Variants in FILIP1 observed in about 807,000 individuals in gnomAD.
The protein encoded by FILIP1 is filamin A interacting protein 1.
In FILIP1, 61 loss-of-function variants were observed where a neutral mutation model predicts 102.1. The observed-to-expected ratio is 0.60, with a 90% CI of 0.49 to 0.74. The LOEUF is 0.74. Among genes scored for constraint, FILIP1 ranks in the 30% least tolerant of loss-of-function variants. The probability of loss-of-function intolerance (pLI) is 0.00; values close to 1 mark genes in which losing one functional copy is unlikely to be tolerated. For synonymous variants in FILIP1, 491 were observed against 526.9 expected (o/e 0.93, Z 0.93); for missense variants, 1,314 against 1,441.2 (o/e 0.91, Z 1.43).
intron 1 of FILIP1, among the ~76,000 whole-genome samples, chr6:75,424,896 G>A (rs780066019): frequency 2.6e-5 from 4 of 152,074 alleles, no homozygotes; most frequent in Non-Finnish European, 4.4e-5. Flanking sequence ...CTGTACACAC[G>A]TCAACTATAT....
chr6:75,471,819 C>A (rs566771865), intron 1 of FILIP1, among the ~76,000 whole-genome samples: 20 of 152,170 alleles, frequency 1.3e-4, no homozygotes, highest in African/African-American at 4.1e-4. Context: ...ATGTATATAT[C>A]ATTTATGCTA....
intron 3 of FILIP1, among the ~76,000 whole-genome samples, chr6:75,355,442 G>T (rs1388341382): frequency 7.0e-6 from 1 of 143,804 alleles, no homozygotes; most frequent in Non-Finnish European, 1.5e-5. Flanking sequence ...TGCCCAGGCT[G>T]GAGTGCAGTG....
At chr6:75,318,391 T>C (rs1338804502) in intron 4 of FILIP1, among the ~76,000 whole-genome samples, 5 of 151,878 alleles carry the variant, frequency 3.3e-5, no homozygotes, top group Non-Finnish European at 7.4e-5. Flanking sequence ...ACATAGCACA[T>C]GCCTGGCTAA....
intron 1 of FILIP1, among the ~76,000 whole-genome samples, chr6:75,482,065 C>G (rs1168689346): frequency 6.6e-6 from 1 of 152,046 alleles, no homozygotes; most frequent in African/African-American, 2.4e-5. Context: ...CTGGTTTTCC[C>G]CCTTGTCCTC....
At chr6:75,303,228 A>G (rs1442567012), downstream of FILIP1, among the ~76,000 whole-genome samples, 1 of 152,184 alleles carries the variant, frequency 6.6e-6, no homozygotes, top group Non-Finnish European at 1.5e-5. Flanking sequence ...AGTATTGAAA[A>G]TGGTTTTTAG....
chr6:75,475,480 T>A (rs971598499), intron 1 of FILIP1, among the ~76,000 whole-genome samples: 1 of 152,214 alleles, frequency 6.6e-6, no homozygotes, highest in Non-Finnish European at 1.5e-5. Context: ...CAGCACAGCA[T>A]CTTATTATAT....
At chr6:75,411,584 A>C (rs933335442) in intron 2 of FILIP1, among the ~76,000 whole-genome samples, 2 of 152,104 alleles carry the variant, frequency 1.3e-5, no homozygotes, top group African/African-American at 4.8e-5. Context: ...CATCGAGTTA[A>C]TTTTTGTATA....
intron 4 of FILIP1, among the ~76,000 whole-genome samples, chr6:75,317,537 CTG>C (rs946435772): frequency 2.0e-5 from 3 of 152,144 alleles, no homozygotes; most frequent in African/African-American, 7.2e-5. Context: ...TGTCATTATC[CTG>C]TCTTTGATAG....
chr6:75,349,086 A>G (rs146661072), intron 4 of FILIP1, among the ~76,000 whole-genome samples: 31 of 152,296 alleles, frequency 2.0e-4, no homozygotes, highest in Middle Eastern at 3.4e-3. Context: ...TCTAGGCCTC[A>G]ATGTCTCCAC....
chr6:75,304,860 G>A (rs529322720), downstream of FILIP1, among the ~76,000 whole-genome samples: 168 of 152,308 alleles, frequency 1.1e-3, 1 homozygote, highest in African/African-American at 3.8e-3. Context: ...TTTAGCTCTG[G>A]CTGATATTTG....
chr6:75,408,660 T>C (rs1489129904), intron 2 of FILIP1, among the ~76,000 whole-genome samples: 2 of 152,216 alleles, frequency 1.3e-5, no homozygotes, highest in Non-Finnish European at 2.9e-5. Flanking sequence ...AAAAGGAGTC[T>C]GTAAAGGAGA....
chr6:75,323,458 C>T (rs373367960), intron 4 of FILIP1, among the ~76,000 whole-genome samples: 22 of 152,110 alleles, frequency 1.4e-4, no homozygotes, highest in East Asian at 9.6e-4. Flanking sequence ...ATATTACTAG[C>T]GAGTGACTTA....
intron 4 of FILIP1, among the ~76,000 whole-genome samples, chr6:75,318,228 CTTTTTTTTTT>C (rs35536817): frequency 9.7e-6 from 1 of 102,894 alleles, no homozygotes; most frequent in African/African-American, 3.7e-5. Context: ...ATTATACAGT[CTTTTTTTTTT>C]TTTTTTTTTT....
chr6:75,314,650 A>G lies in FILIP1; in HGVS notation c.1182T>C (p.Asp394=). The part of the protein sequence containing the change: ...RKRVLEMEGK[D]EEITKTESQC... ...GGGATTCAGTTTTAGTGATCTCCTCATCTTTACCTTCCATTTCAAGCACAC... is the reference window on the plus strand; with the variant it reads ...GGGATTCAGTTTTAGTGATCTCCTCGTCTTTACCTTCCATTTCAAGCACAC... Residue 394 remains aspartate (D), a synonymous_variant, in exon 5 of 6, where the codon GAT becomes GAC. Coordinates refer to ENST00000237172, the MANE Select transcript of FILIP1 (RefSeq NM_015687.5). The G allele has an allele frequency of 6.2e-7, 1 of 1,613,608 alleles. No individual in the cohort carries two copies. Among genetic ancestry groups the G allele is most frequent in the Non-Finnish European group, 8.5e-7 (1 of 1,179,898 alleles).
At chr6:75,338,311 G>A (rs1306760091) in intron 4 of FILIP1, among the ~76,000 whole-genome samples, 1 of 152,210 alleles carries the variant, frequency 6.6e-6, no homozygotes, top group Admixed American at 6.5e-5. Context: ...TCCAAGAGCT[G>A]AATATGTTAT....
chr6:75,466,498 T>C (rs1414116434), intron 1 of FILIP1, among the ~76,000 whole-genome samples: 1 of 152,236 alleles, frequency 6.6e-6, no homozygotes, highest in African/African-American at 2.4e-5. Context: ...CGTTATTGAT[T>C]CCAAACAACG....
chr6:75,483,900 A>C (rs1779714903), intron 1 of FILIP1, among the ~76,000 whole-genome samples: 1 of 152,128 alleles, frequency 6.6e-6, no homozygotes, highest in Admixed American at 6.6e-5. Context: ...GAGATGAACA[A>C]TTCCCTCAGC....
At chr6:75,459,020 T>C (rs919598756) in intron 1 of FILIP1, 2 of 152,170 alleles carry the variant, frequency 1.3e-5, no homozygotes, top group Admixed American at 6.6e-5. Flanking sequence ...TAACACGAAG[T>C]GGTGTACTGA....
intron 4 of FILIP1, among the ~76,000 whole-genome samples, chr6:75,334,248 G>C (rs2149581972): frequency 6.6e-6 from 1 of 152,178 alleles, no homozygotes; most frequent in Non-Finnish European, 1.5e-5. Flanking sequence ...TTCAGTTCTG[G>C]TACAAACTCC....
Sources: allele counts gnomAD v4.1 joint callset (sites outside exome capture counted in the v4.1 genomes callset), GRCh38; gene constraint gnomAD v4.1.1; transcripts MANE v1.5; gene names NCBI Gene and HGNC (gene_info 2026-07-23, HGNC 2026-07-21).